Variants in PLAC1 observed in about 807,000 individuals in gnomAD.
PLAC1 encodes placenta-specific protein 1.
For synonymous variants in PLAC1, 68 were observed against 62.1 expected, an observed-to-expected ratio of 1.09 and a Z score of -0.44; for missense variants, 136 against 163.2, an observed-to-expected ratio of 0.83 and a Z score of 0.91.
rs780799962 is a variant in PLAC1, at chrX:134,610,316, C to T, written c.-130-8194G>A. On this transcript the variant is annotated intron_variant, in intron 1 of 2. Transcript: ENST00000359237. ...TGTGGGCAAGATGTTAGTGTTGATG[C>T]TTTCACTATACCTGGTCCCCCTCAA... is the stretch of plus-strand genomic sequence containing the variant. Among the ~76,000 whole-genome samples, 10 of 111,203 alleles carry T rather than the reference C, an allele frequency of 9.0e-5. No homozygotes were observed. In the South Asian group the frequency reaches 3.4e-3, roughly 38 times the overall value.
intron 2 of PLAC1, among the ~76,000 whole-genome samples, chrX:134,573,522 T>A (rs1389994032): frequency 9.0e-6 from 1 of 111,420 alleles, no homozygotes; most frequent in Non-Finnish European, 1.9e-5. Flanking sequence ...TGAGGTGATC[T>A]GAAATCATCA....
At chrX:134,660,105 G>T (rs779920812), upstream of PLAC1, among the ~76,000 whole-genome samples, 1,247 of 58,948 alleles carry the variant, frequency 0.021, 22 homozygotes, top group African/African-American at 0.059. Flanking sequence ...AATGTTCAAA[G>T]ATTTTTTTTT....
chrX:134,585,576 C>T (rs1469600552), intron 2 of PLAC1, among the ~76,000 whole-genome samples: 1 of 110,587 alleles, frequency 9.0e-6, no homozygotes, highest in Non-Finnish European at 1.9e-5. Context: ...CAGCTGACTT[C>T]CAAAGTGGGC....
chrX:134,639,440 T>C (rs193052154), intron 1 of PLAC1, among the ~76,000 whole-genome samples: 75 of 111,243 alleles, frequency 6.7e-4, no homozygotes, highest in African/African-American at 2.4e-3. Context: ...GGAACAAGCA[T>C]TGGGGAGTGG....
At chrX:134,697,807 G>A (rs2078569871) in intron 2 of PLAC1, among the ~76,000 whole-genome samples, 1 of 112,007 alleles carries the variant, frequency 8.9e-6, no homozygotes, top group Non-Finnish European at 1.9e-5. Flanking sequence ...AGCAGAGGTT[G>A]CAGTGAGCAG....
chrX:134,707,916 A>G (rs1274783321), intron 2 of PLAC1, among the ~76,000 whole-genome samples: 1 of 112,251 alleles, frequency 8.9e-6, no homozygotes, highest in Non-Finnish European at 1.9e-5. Context: ...AGTAGATTGT[A>G]ATAAGTTATG....
At chrX:134,686,018 C>T (rs186156769) in intron 2 of PLAC1, among the ~76,000 whole-genome samples, 75 of 110,982 alleles carry the variant, frequency 6.8e-4, no homozygotes, top group African/African-American at 2.2e-3. Context: ...CAAGTGAGGC[C>T]GAAAAGCCAA....
intron 1 of PLAC1, among the ~76,000 whole-genome samples, chrX:134,648,356 C>T (rs1236226950): frequency 9.0e-6 from 1 of 111,409 alleles, no homozygotes; most frequent in Non-Finnish European, 1.9e-5. Flanking sequence ...ACGGAAGGAA[C>T]CTCATAGACC....
intron 1 of PLAC1, among the ~76,000 whole-genome samples, chrX:134,752,535 CT>C (rs1289619659): frequency 9.1e-6 from 1 of 110,140 alleles, no homozygotes; most frequent in South Asian, 3.9e-4. Flanking sequence ...CTCCCCTTGG[CT>C]TTTTTTTTCT....
At chrX:134,610,735 A>G (rs1463164213) in intron 1 of PLAC1, among the ~76,000 whole-genome samples, 7 of 112,172 alleles carry the variant, frequency 6.2e-5, no homozygotes, top group Non-Finnish European at 1.3e-4. Context: ...TGATATGACT[A>G]CAACAACCAG....
chrX:134,571,019 T>A (rs1302305743), intron 2 of PLAC1, among the ~76,000 whole-genome samples: 8 of 112,354 alleles, frequency 7.1e-5, no homozygotes, highest in African/African-American at 2.6e-4. Context: ...GAGCTATCTA[T>A]ATCAGTCACT....
intron 2 of PLAC1, among the ~76,000 whole-genome samples, chrX:134,580,086 A>T (rs1186362601): frequency 8.9e-6 from 1 of 112,283 alleles, no homozygotes; most frequent in Non-Finnish European, 1.9e-5. Flanking sequence ...GGATTTTTGA[A>T]ACTTGGATAT....
chrX:134,592,625 C>T (rs2078043778), intron 2 of PLAC1, among the ~76,000 whole-genome samples: 1 of 110,701 alleles, frequency 9.0e-6, no homozygotes, highest in Admixed American at 9.6e-5. Flanking sequence ...AGCCTGCTGG[C>T]CTGCCCTGCA....
At chrX:134,728,635 A>T (rs1409924250) in intron 2 of PLAC1, among the ~76,000 whole-genome samples, 1 of 112,266 alleles carries the variant, frequency 8.9e-6, no homozygotes, top group African/African-American at 3.2e-5. Context: ...ACAAGAAATG[A>T]TAAAGGGAAT....
chrX:134,613,432 A>T (rs777720475), intron 1 of PLAC1, among the ~76,000 whole-genome samples: 2 of 110,512 alleles, frequency 1.8e-5, no homozygotes, highest in Non-Finnish European at 3.8e-5. Context: ...CCACACCCCA[A>T]AGCCTCCCTA....
At chrX:134,761,023 C>A (rs1245927330) in intron 1 of PLAC1, among the ~76,000 whole-genome samples, 1 of 111,356 alleles carries the variant, frequency 9.0e-6, no homozygotes, top group Non-Finnish European at 1.9e-5. Context: ...CCAAGATGAT[C>A]TGAGCCTGGC....
In PLAC1 at chrX:134,750,891, ATATATATT is replaced by A. The variant is rs1249420613; in HGVS notation, n.89+13335_89+13342del. ...TATATATATATTTATAAATATATAT[ATATATATT>A]TATATATATATTTATATATATATAT... On this transcript the variant is annotated intron_variant and non_coding_transcript_variant, in intron 1 of 2. Coordinates refer to the PLAC1 transcript ENST00000466797. 6.7e-3 allele frequency among the ~76,000 whole-genome samples: 57 copies of A among 8,471 alleles called. 3 individuals carry two copies. The highest frequency in any genetic ancestry group is 0.01 in the Admixed American group (3 of 286). 7.4% of individuals were successfully genotyped at this position (8,471 alleles called of 115,157 possible).
intron 1 of PLAC1, among the ~76,000 whole-genome samples, chrX:134,763,310 AG>A (rs1480025051): frequency 8.9e-6 from 1 of 112,204 alleles, no homozygotes; most frequent in Non-Finnish European, 1.9e-5. Flanking sequence ...CAAAGAAGGC[AG>A]GCCTCAGTGA....
intron 2 of PLAC1, among the ~76,000 whole-genome samples, chrX:134,671,338 G>C (rs1210602102): frequency 7.1e-5 from 8 of 111,970 alleles, no homozygotes; most frequent in Admixed American, 5.7e-4. Context: ...GTGGGGAACA[G>C]GGGGGAAGGC....
Sources: allele counts gnomAD v4.1 joint callset (sites outside exome capture counted in the v4.1 genomes callset), GRCh38; gene constraint gnomAD v4.1.1; transcripts MANE v1.5; gene names NCBI Gene and HGNC (gene_info 2026-07-23, HGNC 2026-07-21).